PDE1A: variants seen among roughly 807,000 people sequenced by gnomAD.
PDE1A encodes dual specificity calcium/calmodulin-dependent 3',5'-cyclic nucleotide phosphodiesterase 1A.
Under a neutral mutation model 61.7 loss-of-function variants are expected in PDE1A, and 35 were observed. The observed-to-expected ratio is 0.57, with a 90% CI of 0.43 to 0.75. The LOEUF is 0.75. PDE1A is among the 30% of genes least tolerant of loss of function. PDE1A has a pLI of 0.00. For missense variants in PDE1A, 597 were observed against 630.6 expected (o/e 0.95, Z 0.57); for synonymous variants, 232 against 213.2 (o/e 1.09, Z -0.77).
intron 1 of PDE1A, among the ~76,000 whole-genome samples, chr2:182,348,786 T>C (rs544624406): frequency 1.3e-3 from 196 of 151,076 alleles, no homozygotes; most frequent in Non-Finnish European, 2.3e-3. Flanking sequence ...GGCTACTAGA[T>C]GTCTGAGAGG....
intron 2 of PDE1A, among the ~76,000 whole-genome samples, chr2:182,259,426 T>C (rs1490025087): frequency 6.6e-6 from 1 of 152,216 alleles, no homozygotes; most frequent in Non-Finnish European, 1.5e-5. Flanking sequence ...CCAGAGTTAT[T>C]TGCATTTTAC....
chr2:182,263,014 A>G (rs1003739905), intron 2 of PDE1A, among the ~76,000 whole-genome samples: 3 of 148,514 alleles, frequency 2.0e-5, no homozygotes, highest in Non-Finnish European at 1.5e-5. Flanking sequence ...TGTGAAGTCC[A>G]GTACACATAG....
chr2:182,231,393 A>G (rs1689568776), intron 4 of PDE1A, among the ~76,000 whole-genome samples: 1 of 152,214 alleles, frequency 6.6e-6, no homozygotes, highest in Non-Finnish European at 1.5e-5. Context: ...TGATAATACC[A>G]TAATACTGCC....
chr2:182,283,256 A>C (rs1267338154), intron 1 of PDE1A, among the ~76,000 whole-genome samples: 2 of 152,062 alleles, frequency 1.3e-5, no homozygotes, highest in Non-Finnish European at 2.9e-5. Context: ...GGTCACCTAT[A>C]TGTTATGATA....
intron 2 of PDE1A, among the ~76,000 whole-genome samples, chr2:182,518,561 G>T (rs1430150): frequency 0.33 from 50,873 of 151,960 alleles, 9,047 homozygotes; most frequent in South Asian, 0.41. Flanking sequence ...AGATAAGGAG[G>T]TATGTGTCGA....
At chr2:182,321,274 T>C (rs1196554179) in intron 1 of PDE1A, among the ~76,000 whole-genome samples, 1 of 152,200 alleles carries the variant, frequency 6.6e-6, no homozygotes, top group Non-Finnish European at 1.5e-5. Context: ...AGCTCTCCTG[T>C]AGTTTCAATT....
At position 182,150,467 on chromosome 2, in the gene PDE1A, A is replaced by G. The variant is rs184851855; in HGVS notation, c.1517-3315T>C. ...TTACTGAAAGGATTTGCAATGTCATATATATAGAAAGCTGCTCATTAGGAA... is the reference window on the plus strand; with the variant it reads ...TTACTGAAAGGATTTGCAATGTCATGTATATAGAAAGCTGCTCATTAGGAA... On this transcript the variant is annotated intron_variant, in intron 13 of 13. Transcript: ENST00000409365. Among the ~76,000 whole-genome samples, 97 of 152,308 alleles carry G rather than the reference A, an allele frequency of 6.4e-4. 1 individual carries two copies. Among genetic ancestry groups the G allele is most frequent in the African/African-American group, 2.2e-3 (91 of 41,584 alleles).
At chr2:182,577,931 C>CGGAAGGAA in the PDE1A span, among the ~76,000 whole-genome samples, 9,043 of 81,946 alleles carry the variant, frequency 0.11, 692 homozygotes, top group Middle Eastern at 0.13. Context: ...AGAAAGAAAA[C>CGGAAGGAA]GGAAGGAAGG....
chr2:182,578,136 T>C, the PDE1A span, among the ~76,000 whole-genome samples: 2 of 152,216 alleles, frequency 1.3e-5, no homozygotes, highest in African/African-American at 4.8e-5. Context: ...AAGCCCGAAG[T>C]CATGAGCCAG....
the PDE1A span, among the ~76,000 whole-genome samples, chr2:182,569,036 T>A: frequency 6.6e-6 from 1 of 151,946 alleles, no homozygotes; most frequent in African/African-American, 2.4e-5. Flanking sequence ...GTAGATCACT[T>A]GAGCTCAGGA....
chr2:182,481,227 A>T (rs1687681510), intron 2 of PDE1A, among the ~76,000 whole-genome samples: 1 of 151,978 alleles, frequency 6.6e-6, no homozygotes, highest in Non-Finnish European at 1.5e-5. Flanking sequence ...GTGTAATAAC[A>T]TAACTAGGGA....
chr2:182,181,231 A>T (rs1684733482), intron 13 of PDE1A, among the ~76,000 whole-genome samples: 1 of 152,080 alleles, frequency 6.6e-6, no homozygotes, highest in South Asian at 2.1e-4. Flanking sequence ...GGATTTATCT[A>T]CCTTTGATCT....
the PDE1A span, among the ~76,000 whole-genome samples, chr2:182,564,886 C>T: frequency 6.6e-6 from 1 of 152,286 alleles, no homozygotes; most frequent in African/African-American, 2.4e-5. Context: ...GTTCTCGAGC[C>T]TTGGCTTTCA....
the PDE1A span, among the ~76,000 whole-genome samples, chr2:182,661,727 A>G: frequency 6.6e-6 from 1 of 152,202 alleles, no homozygotes; most frequent in Non-Finnish European, 1.5e-5. Flanking sequence ...GGTTGGATGT[A>G]ATGTACCAAA....
At chr2:182,169,203 C>A (rs1424745034) in intron 13 of PDE1A, among the ~76,000 whole-genome samples, 1 of 151,926 alleles carries the variant, frequency 6.6e-6, no homozygotes, top group African/African-American at 2.4e-5. Flanking sequence ...GGTTTCTTCT[C>A]TTTACTATTT....
intron 2 of PDE1A, among the ~76,000 whole-genome samples, chr2:182,450,132 A>AATC (rs950485537): frequency 8.5e-5 from 13 of 152,118 alleles, no homozygotes; most frequent in African/African-American, 2.6e-4. Flanking sequence ...TTGGCTTTTT[A>AATC]ATCATCATCA....
intron 2 of PDE1A, among the ~76,000 whole-genome samples, chr2:182,496,883 A>G (rs1688748705): frequency 6.6e-6 from 1 of 152,198 alleles, no homozygotes. Flanking sequence ...TGATTTTGTA[A>G]GCAACTAATT....
intron 2 of PDE1A, among the ~76,000 whole-genome samples, chr2:182,451,443 A>G (rs978598242): frequency 3.3e-5 from 5 of 152,002 alleles, no homozygotes; most frequent in Admixed American, 6.6e-5. Context: ...ATGTATGTGG[A>G]CATATGAAAA....
the PDE1A span, among the ~76,000 whole-genome samples, chr2:182,631,778 A>G: frequency 3.3e-5 from 5 of 152,362 alleles, no homozygotes; most frequent in East Asian, 9.6e-4. Context: ...TGGTTTTCAC[A>G]TGGAAGTATT....
Sources: gnomAD v4.1 joint callset for allele counts (sites outside exome capture counted in the v4.1 genomes callset) on GRCh38, gnomAD v4.1.1 for gene constraint, MANE v1.5 for transcripts, NCBI Gene and HGNC (gene_info 2026-07-23, HGNC 2026-07-21) for gene names.